The following MACROD2 variants were observed in gnomAD, a reference collection of about 807,000 sequenced individuals.
MACROD2 encodes the protein mono-ADP ribosylhydrolase 2.
MACROD2 carries 36 observed loss-of-function variants against 70.4 expected under a neutral mutation model. The ratio of observed to expected loss-of-function variants is 0.51; its 90% CI spans 0.39 to 0.68. The LOEUF is 0.68. MACROD2 is among the 30% of genes least tolerant of loss of function. The pLI is 0.00. For synonymous variants in MACROD2, 172 were observed against 178.8 expected, an observed-to-expected ratio of 0.96 and a Z score of 0.30; for missense variants, 496 against 538.4, an observed-to-expected ratio of 0.92 and a Z score of 0.78.
intron 4 of MACROD2, among the ~76,000 whole-genome samples, chr20:14,682,799 T>C (rs1327083457): frequency 6.6e-6 from 1 of 152,206 alleles, no homozygotes; most frequent in Non-Finnish European, 1.5e-5. Context: ...ATGTAATAAA[T>C]TTAAAAAGTA....
chr20:15,341,447 C>T (rs1208443908), intron 6 of MACROD2, among the ~76,000 whole-genome samples: 2 of 152,084 alleles, frequency 1.3e-5, no homozygotes, highest in Non-Finnish European at 2.9e-5. Flanking sequence ...TATTTAGGAG[C>T]AACCAAGAGA....
intron 7 of MACROD2, among the ~76,000 whole-genome samples, chr20:15,466,203 T>C (rs2146424709): frequency 6.6e-6 from 1 of 152,346 alleles, no homozygotes; most frequent in Middle Eastern, 3.4e-3. Context: ...ATTCTTTCAT[T>C]CATTTGTTCA....
chr20:14,548,459 C>T lies in MACROD2; in HGVS notation c.301+54951C>T, dbSNP rs868259661. Among the ~76,000 whole-genome samples, 12 of 14,754 alleles carry T rather than the reference C, an allele frequency of 8.1e-4. 4 individuals are homozygous for T. The highest frequency in any genetic ancestry group is 1.7e-3 in the African/African-American group (12 of 7,262). The allele number at this position is 14,754 out of a possible 152,430, so 9.7% of individuals were successfully genotyped here. ...TCTGGCCGGGCGCGGTGGCTCACGCCTGTAATCCCAGCACTTTGGGAGGCT... is the reference window on the plus strand; with the variant it reads ...TCTGGCCGGGCGCGGTGGCTCACGCTTGTAATCCCAGCACTTTGGGAGGCT... On this transcript the variant is annotated intron_variant, in intron 4 of 17. Coordinates refer to ENST00000684519, the MANE Select transcript of MACROD2 (RefSeq NM_001351661.2).
intron 5 of MACROD2, among the ~76,000 whole-genome samples, chr20:15,040,446 A>C (rs867857652): frequency 2.0e-5 from 3 of 152,042 alleles, no homozygotes; most frequent in Middle Eastern, 3.4e-3. Context: ...TCCATTCCCC[A>C]CCCTGTTTCC....
chr20:14,225,805 G>C (rs2081727681), intron 3 of MACROD2, among the ~76,000 whole-genome samples: 1 of 152,140 alleles, frequency 6.6e-6, no homozygotes, highest in Non-Finnish European at 1.5e-5. Flanking sequence ...ATTTTTTTAA[G>C]GTAGTTGTTT....
At chr20:14,673,273 G>T (rs62202941) in intron 4 of MACROD2, among the ~76,000 whole-genome samples, 28,601 of 152,150 alleles carry the variant, frequency 0.19, 3,248 homozygotes, top group Non-Finnish European at 0.25. Context: ...GGTTTCATGT[G>T]TCCAGTGAAT....
At chr20:14,057,052 T>C (rs564792961) in intron 2 of MACROD2, among the ~76,000 whole-genome samples, 1 of 152,152 alleles carries the variant, frequency 6.6e-6, no homozygotes, top group South Asian at 2.1e-4. Context: ...CATGTGGATA[T>C]CCAAATGGGA....
At chr20:14,273,565 T>G (rs1377476892) in intron 3 of MACROD2, among the ~76,000 whole-genome samples, 1 of 145,660 alleles carries the variant, frequency 6.9e-6, no homozygotes, top group Non-Finnish European at 1.5e-5. Context: ...ATTGACACCC[T>G]AACATCACAA....
chr20:14,747,579 A>G lies in MACROD2; in HGVS notation c.418+62620A>G, dbSNP rs1036803305. ...TAGGATTGCTTGGTAAAGAGCAGGC[A>G]TTTCACTCACTGGAAGGCTTTATAA... On this transcript the variant is annotated intron_variant, in intron 5 of 17. Coordinates refer to ENST00000684519, the MANE Select transcript of MACROD2 (RefSeq NM_001351661.2). Among the ~76,000 whole-genome samples, 5 of 152,042 alleles carry G rather than the reference A, an allele frequency of 3.3e-5. 1 individual carries two copies. In the South Asian group the frequency reaches 1.0e-3, roughly 32 times the overall value.
At chr20:14,918,342 C>T (rs1422170922) in intron 5 of MACROD2, among the ~76,000 whole-genome samples, 1 of 152,148 alleles carries the variant, frequency 6.6e-6, no homozygotes, top group Non-Finnish European at 1.5e-5. Context: ...AGAGAAGAGG[C>T]AGAAGTTAAT....
At chr20:14,164,427 C>A (rs1302591097) in intron 3 of MACROD2, among the ~76,000 whole-genome samples, 1 of 152,058 alleles carries the variant, frequency 6.6e-6, no homozygotes, top group Non-Finnish European at 1.5e-5. Context: ...CTTGAGCCTC[C>A]AGGTGACTTG....
At chr20:15,534,434 T>C (rs901884618) in intron 8 of MACROD2, among the ~76,000 whole-genome samples, 6 of 152,126 alleles carry the variant, frequency 3.9e-5, no homozygotes, top group African/African-American at 1.4e-4. Context: ...GTTCCATTGG[T>C]TGGTTTTAAA....
intron 5 of MACROD2, among the ~76,000 whole-genome samples, chr20:15,221,060 CAGCCTAGATTCTGCATTTGTAG>C (rs2076856760): frequency 6.6e-6 from 1 of 152,180 alleles, no homozygotes; most frequent in Non-Finnish European, 1.5e-5. Context: ...ATTTCAGTCC[CAGCCTAGATTCTGCATTTGTAG>C]AATTACCCTT....
intron 2 of MACROD2, among the ~76,000 whole-genome samples, chr20:14,082,167 C>CTTT (rs1160554294): frequency 1.7e-5 from 1 of 57,770 alleles, no homozygotes; most frequent in African/African-American, 7.0e-5. Flanking sequence ...CCATACCTTT[C>CTTT]TTTTTTTTTC....
intron 4 of MACROD2, among the ~76,000 whole-genome samples, chr20:14,546,440 G>T (rs987617595): frequency 2.0e-5 from 3 of 152,084 alleles, no homozygotes; most frequent in Non-Finnish European, 4.4e-5. Context: ...GTTCATAAGT[G>T]TTTCTCTTAA....
chr20:14,066,071 C>A (rs1003280475), intron 2 of MACROD2, among the ~76,000 whole-genome samples: 1 of 151,972 alleles, frequency 6.6e-6, no homozygotes, highest in East Asian at 1.9e-4. Context: ...CTAATTTAGG[C>A]TTTGTTTCCT....
intron 4 of MACROD2, among the ~76,000 whole-genome samples, chr20:14,573,975 C>T (rs916672750): frequency 2.6e-5 from 4 of 152,180 alleles, no homozygotes; most frequent in Admixed American, 6.5e-5. Context: ...GGTAGCACCA[C>T]CTTCTTCAGG....
chr20:14,904,201 C>A (rs185180035), intron 5 of MACROD2, among the ~76,000 whole-genome samples: 12 of 152,202 alleles, frequency 7.9e-5, no homozygotes, highest in Non-Finnish European at 1.3e-4. Context: ...GTAGAACTAG[C>A]AACAGTGGAA....
At chr20:15,166,339 C>T (rs1056625910) in intron 5 of MACROD2, among the ~76,000 whole-genome samples, 3 of 151,990 alleles carry the variant, frequency 2.0e-5, no homozygotes, top group Non-Finnish European at 4.4e-5. Context: ...AGATGAATGC[C>T]CTTATGAAAG....
Sources: gnomAD v4.1 joint callset for allele counts (sites outside exome capture counted in the v4.1 genomes callset) on GRCh38, gnomAD v4.1.1 for gene constraint, MANE v1.5 for transcripts, NCBI Gene and HGNC (gene_info 2026-07-23, HGNC 2026-07-21) for gene names.